Variants in IL17RC observed in about 807,000 individuals in gnomAD.
The protein encoded by IL17RC is interleukin 17 receptor C.
A neutral mutation model predicts 86.7 loss-of-function variants in IL17RC; 53 were observed. The observed-to-expected ratio is 0.61, with a 90% confidence interval of 0.49 to 0.77. The LOEUF is 0.77. Among genes scored for constraint, IL17RC ranks in the 30% least tolerant of loss-of-function variants. IL17RC has a pLI of 0.00. For synonymous variants in IL17RC, 439 were observed against 413.1 expected, an observed-to-expected ratio of 1.06 and a Z score of -0.76; for missense variants, 957 against 940.0, an observed-to-expected ratio of 1.02 and a Z score of -0.24.
chr3:9,932,716 C>G lies in IL17RC; in HGVS notation c.1483+13C>G. 6.2e-7 allele frequency: 1 copy of G among 1,613,952 alleles called. No individual in the cohort carries two copies. Among genetic ancestry groups the G allele is most frequent in the Middle Eastern group, 1.6e-4 (1 of 6,062 alleles). On this transcript the variant is annotated intron_variant, in intron 17 of 18. Transcript: ENST00000403601. The stretch of plus-strand genomic sequence containing the variant: ...GATCACGCGAAAGGTGAGCGCTTCC[C>G]GGCTCCCCATTCCCCTGGGGGAGGA...
intron 12 of IL17RC, 93 bp from the exon 13 acceptor site, chr3:9,929,759 C>T: frequency 2.2e-6 from 3 of 1,388,776 alleles, no homozygotes; most frequent in Non-Finnish European, 3.1e-6. Flanking sequence ...GATTCCCAAC[C>T]CAACAGGCCT....
chr3:9,932,928 C>A (rs773626145), intron 18 of IL17RC, 25 bp from the exon 19 acceptor site: 1 of 1,610,420 alleles, frequency 6.2e-7, no homozygotes, highest in East Asian at 2.2e-5. Flanking sequence ...TCACCTCTTC[C>A]CTCCCCATCT....
Position 9,933,194 on chromosome 3 carries a change from G to A in IL17RC, c.1764G>A (p.Leu588=). 1 of 1,608,286 alleles carries A rather than the reference G, an allele frequency of 6.2e-7. No homozygotes were observed. The highest frequency in any genetic ancestry group is 8.5e-7 in the Non-Finnish European group (1 of 1,178,080). ...VLLFSPGAVA[L]CSEWLQDGVS... ...TCTTCTCTCCCGGTGCGGTGGCGCT[G>A]TGCAGCGAGTGGCTACAGGATGGGG... Residue 588 remains leucine, a synonymous_variant, in exon 19 of 19, where the codon CTG becomes CTA. Transcript: ENST00000403601.
rs1393246582 is a variant in IL17RC, at chr3:9,917,742, T to G, written c.127+8T>G. ...TCTCCTGCCGCCTCTGGGGTAAGTA[T>G]CCCTACTTTTAAAAAGAATTTCCCA... On this transcript the variant is annotated splice_region_variant and intron_variant, in intron 2 of 18. Coordinates refer to ENST00000403601, the MANE Select transcript of IL17RC (RefSeq NM_153460.4). 1.2e-6 allele frequency: 2 copies of G among 1,613,668 alleles called. No homozygotes were observed. The highest frequency in any genetic ancestry group is 1.7e-6 in the Non-Finnish European group (2 of 1,179,984).
intron 9 of IL17RC, among the ~76,000 whole-genome samples, chr3:9,927,957 A>G (rs1159438170): frequency 1.3e-5 from 2 of 152,170 alleles, no homozygotes; most frequent in Non-Finnish European, 2.9e-5. Context: ...TCAAAAAAAA[A>G]AAAAAGTTTG....
chr3:9,924,183 C>A, intron 8 of IL17RC, 49 bp from the exon 9 acceptor site: 1 of 1,612,350 alleles, frequency 6.2e-7, no homozygotes, highest in South Asian at 1.1e-5. Flanking sequence ...TTGGCCTCCT[C>A]CTCTTCCTCC....
intron 16 of IL17RC, among the ~76,000 whole-genome samples, chr3:9,932,244 T>A (rs1417129400): frequency 1.3e-5 from 2 of 152,152 alleles, no homozygotes; most frequent in African/African-American, 4.8e-5. Context: ...TTGTTTTGTT[T>A]TGAGAGGAGT....
In IL17RC at chr3:9,933,563, C is replaced by G. The variant is rs183956; in HGVS notation, c.2133C>G (p.Gly711=). Reference sequence around the variant, plus strand: ...CGCCGGGACGCGGGGTGGGACCAGGCGCGGGACCTGGGGCGGGGGACGGGA... The same window carrying G: ...CGCCGGGACGCGGGGTGGGACCAGGGGCGGGACCTGGGGCGGGGGACGGGA... The part of the protein sequence containing the change: ...TPAPGRGVGP[G]AGPGAGDGT The change falls in exon 19 of 19, where the codon GGC becomes GGG. Residue 711 remains glycine, a synonymous_variant. Coordinates refer to ENST00000403601, the MANE Select transcript of IL17RC (RefSeq NM_153460.4). The G allele has an allele frequency of 0.99, 1,587,937 of 1,606,730 alleles. 784,716 individuals are homozygous for G. Among genetic ancestry groups the G allele is most frequent in the East Asian group, 1 (44,579 of 44,688 alleles).
rs750351615 is a variant in IL17RC at position 9,931,470 on chromosome 3, C to CACATATATATATAT, written c.1387+528_1387+529insCATATATATATATA. ...TATATATTTCACACACACACACACACATATATATATATATATATATATATA... is the reference window on the plus strand; with the variant it reads ...TATATATTTCACACACACACACACACACATATATATATATATATATATATATATATATATATATA... On this transcript the variant is annotated intron_variant, in intron 16 of 18. Coordinates refer to ENST00000403601, the MANE Select transcript of IL17RC (RefSeq NM_153460.4). Among the ~76,000 whole-genome samples the CACATATATATATAT allele has an allele frequency of 5.4e-3, 234 of 43,430 alleles. 1 individual carries two copies. Among genetic ancestry groups the CACATATATATATAT allele is most frequent in the African/African-American group, 8.6e-3 (172 of 19,890 alleles). The allele number at this position is 43,430 out of a possible 152,430, so 28.5% of individuals were successfully genotyped here. A position where few individuals can be genotyped will look rare whatever the true frequency, so the allele number is the denominator to read the frequency against.
chr3:9,929,015 A>G (rs2084382273), intron 12 of IL17RC: 1 of 190,450 alleles, frequency 5.3e-6, no homozygotes, highest in African/African-American at 2.4e-5. Flanking sequence ...GGGTGATTAT[A>G]AGAACATTCA....
chr3:9,920,678 C>G lies in IL17RC; in HGVS notation c.577+76C>G. 6 of 1,008,920 alleles carry G rather than the reference C, an allele frequency of 5.9e-6. No homozygotes were observed. In the East Asian group the frequency reaches 1.6e-4, roughly 26 times the overall value. 62.5% of individuals were successfully genotyped at this position (1,008,920 alleles called of 1,614,324 possible). On this transcript the variant is annotated intron_variant, in intron 6 of 18. Transcript: ENST00000403601. The stretch of plus-strand genomic sequence containing the variant: ...TTCCCCCTCCTGATTTCACCCTCTT[C>G]TAGCTCCATCCACTCTCCGGCAGGG...
At chr3:9,931,502 T>C (rs279544) in intron 16 of IL17RC, among the ~76,000 whole-genome samples, 97,721 of 145,162 alleles carry the variant, frequency 0.67, 37,124 homozygotes, top group East Asian at 0.84. Flanking sequence ...TATATATATA[T>C]ACTTATTTTT....
intron 5 of IL17RC, 63 bp from the exon 6 acceptor site, chr3:9,920,428 C>T: frequency 1.0e-6 from 1 of 990,916 alleles, no homozygotes; most frequent in Non-Finnish European, 1.6e-6. Flanking sequence ...CAGATGATCC[C>T]ACAGCCCTTG....
intron 16 of IL17RC, 101 bp downstream of exon 16, chr3:9,931,044 T>C: frequency 1.1e-6 from 1 of 920,280 alleles, no homozygotes. Flanking sequence ...TGTCCTTCCC[T>C]GAGATCAGAT....
Position 9,924,232 on chromosome 3 carries a change from A to C in IL17RC, c.763A>C (p.Thr255Pro). 1 of 1,613,918 alleles carries C rather than the reference A, an allele frequency of 6.2e-7. No homozygotes were observed. Among genetic ancestry groups the C allele is most frequent in the Non-Finnish European group, 8.5e-7 (1 of 1,179,962 alleles). ...CCTCCTTCCTTTATTTGTTCCACAG[A>C]CTGGACCGCAGATCATTACCTTGAA... Reference protein sequence around the residue: ...PPKPRWHKNLTGPQIITLNHT... With the variant: ...PPKPRWHKNLPGPQIITLNHT... The change falls in exon 9 of 19, where the codon ACT (threonine) becomes CCT (proline). Residue 255 changes from threonine (T) to proline (P), a missense_variant and splice_region_variant. Transcript: ENST00000403601.
rs2084281649 is a variant in IL17RC at position 9,928,208 on chromosome 3, C to T, written c.865C>T (p.Pro289Ser). 2 of 1,613,466 alleles carry T rather than the reference C, an allele frequency of 1.2e-6. No homozygotes were observed. Among genetic ancestry groups the T allele is most frequent in the Non-Finnish European group, 1.7e-6 (2 of 1,179,974 alleles). ...EPDSVRTNICPFREDPRAHQN... is the reference protein window; with the variant it reads ...EPDSVRTNICSFREDPRAHQN... ...TGACTCCGTTAGGACGAACATCTGC[C>T]CCTTCAGGGAGGGTGAGCCGACCGG... Residue 289 changes from proline to serine, a missense_variant, in exon 10 of 19, where the codon CCC becomes TCC. Transcript: ENST00000403601.
chr3:9,927,832 G>C (rs11131196), intron 9 of IL17RC, among the ~76,000 whole-genome samples: 118,086 of 151,898 alleles, frequency 0.78, 46,849 homozygotes, highest in East Asian at 0.97. Flanking sequence ...TCCTGTAATC[G>C]CAGCTCCTCA....
chr3:9,923,857 C>T (rs774307597), intron 7 of IL17RC, 24 bp from the exon 8 acceptor site: 26 of 1,612,588 alleles, frequency 1.6e-5, no homozygotes, highest in Middle Eastern at 3.5e-4. Flanking sequence ...GTCTAAGCTG[C>T]GCTCTCTTTG....
In IL17RC at chr3:9,931,453, T is replaced by TCACACACACACACACACACACA. The variant is rs201407577; in HGVS notation, c.1387+528_1387+529insCACACACACACACACACACACA. ...AGCTACGATCAAATTTTTATATATT[T>TCACACACACACACACACACACA]CACACACACACACACACATATATAT... On this transcript the variant is annotated intron_variant, in intron 16 of 18. Coordinates refer to ENST00000403601, the MANE Select transcript of IL17RC (RefSeq NM_153460.4). 7.4e-3 allele frequency among the ~76,000 whole-genome samples: 330 copies of TCACACACACACACACACACACA among 44,784 alleles called. 2 individuals are homozygous for TCACACACACACACACACACACA. Among genetic ancestry groups the TCACACACACACACACACACACA allele is most frequent in the African/African-American group, 0.013 (260 of 19,264 alleles). 29.4% of individuals were successfully genotyped at this position (44,784 alleles called of 152,430 possible).
Sources: gnomAD v4.1 joint callset for allele counts (sites outside exome capture counted in the v4.1 genomes callset) on GRCh38, gnomAD v4.1.1 for gene constraint, MANE v1.5 for transcripts, NCBI Gene and HGNC (gene_info 2026-07-23, HGNC 2026-07-21) for gene names.